The following CDH12 variants were observed in gnomAD, a reference collection of about 807,000 sequenced individuals.
CDH12 encodes cadherin 12, also known as cadherin-12.
In CDH12, 41 loss-of-function variants were observed where a neutral mutation model predicts 74.1. The ratio of observed to expected loss-of-function variants is 0.55; its 90% CI spans 0.43 to 0.72. The LOEUF is 0.72. CDH12 is among the 30% of genes least tolerant of loss of function. The pLI is 0.00. For synonymous variants in CDH12, 399 were observed against 355.0 expected (o/e 1.12, Z -1.39); for missense variants, 945 against 977.2 (o/e 0.97, Z 0.44).
chr5:22,053,483 C>T (rs1740526964), intron 5 of CDH12, among the ~76,000 whole-genome samples: 1 of 151,996 alleles, frequency 6.6e-6, no homozygotes, highest in Non-Finnish European at 1.5e-5. Flanking sequence ...AGTGTTATCC[C>T]GGCTATGCAG....
chr5:21,940,852 TCTCTCTCA>T (rs1363423276), intron 6 of CDH12, among the ~76,000 whole-genome samples: 1 of 151,962 alleles, frequency 6.6e-6, no homozygotes, highest in African/African-American at 2.4e-5. Context: ...TCTCTCTCTC[TCTCTCTCA>T]CACACACACA....
At chr5:22,411,566 T>G (rs1743171464) in intron 2 of CDH12, among the ~76,000 whole-genome samples, 1 of 152,018 alleles carries the variant, frequency 6.6e-6, no homozygotes, top group Admixed American at 6.6e-5. Context: ...TTCACTATAT[T>G]TCAACATTAT....
At chr5:22,203,190 G>T (rs1751019879) in intron 4 of CDH12, among the ~76,000 whole-genome samples, 3 of 152,016 alleles carry the variant, frequency 2.0e-5, no homozygotes, top group Admixed American at 2.0e-4. Context: ...TGGAATACTA[G>T]AACTTATTTC....
In CDH12 at chr5:22,405,237, A is replaced by G; in HGVS notation, c.-333+20T>C. The G allele has an allele frequency of 7.3e-6, 5 of 683,038 alleles. No individual in the cohort carries two copies. The highest frequency in any genetic ancestry group is 9.0e-6 in the Non-Finnish European group (5 of 553,554). 42.3% of individuals were successfully genotyped at this position (683,038 alleles called of 1,614,324 possible). ...AAAAATAAAAAATAAAGAAAAAATC[A>G]TAACAATCAATTTACTTACAAGTTA... On this transcript the variant is annotated intron_variant, in intron 3 of 14. Transcript: ENST00000382254.
intron 6 of CDH12, among the ~76,000 whole-genome samples, chr5:21,880,679 CTTT>C (rs1561268881): frequency 5.3e-4 from 58 of 110,434 alleles, no homozygotes; most frequent in Non-Finnish European, 6.7e-4. Flanking sequence ...TTCTTTCTTT[CTTT>C]CTTTCTTTCT....
At chr5:22,089,260 C>T (rs1216592799) in intron 4 of CDH12, among the ~76,000 whole-genome samples, 1 of 152,070 alleles carries the variant, frequency 6.6e-6, no homozygotes, top group African/African-American at 2.4e-5. Context: ...ACTGGTGGTT[C>T]AGTAATTAGA....
At chr5:22,833,675 T>A (rs1189010009) in intron 1 of CDH12, among the ~76,000 whole-genome samples, 1 of 152,212 alleles carries the variant, frequency 6.6e-6, no homozygotes, top group Non-Finnish European at 1.5e-5. Flanking sequence ...AAAAGCTCTC[T>A]GTCGGAATAT....
intron 6 of CDH12, among the ~76,000 whole-genome samples, chr5:21,872,987 A>G (rs911666773): frequency 6.6e-6 from 1 of 152,036 alleles, no homozygotes; most frequent in Non-Finnish European, 1.5e-5. Flanking sequence ...AAAAACATAC[A>G]TATGTGTATT....
At chr5:22,781,556 A>G (rs901283826) in intron 1 of CDH12, among the ~76,000 whole-genome samples, 2 of 152,106 alleles carry the variant, frequency 1.3e-5, no homozygotes, top group Non-Finnish European at 2.9e-5. Context: ...CCTGCATTTT[A>G]GTTCCAACCT....
intron 6 of CDH12, among the ~76,000 whole-genome samples, chr5:21,929,061 G>A (rs1754719074): frequency 6.6e-6 from 1 of 151,862 alleles, no homozygotes; most frequent in Non-Finnish European, 1.5e-5. Flanking sequence ...TTATGGTAAT[G>A]AGAATACTAT....
At chr5:22,229,103 A>G (rs1752296478) in intron 3 of CDH12, among the ~76,000 whole-genome samples, 1 of 151,484 alleles carries the variant, frequency 6.6e-6, no homozygotes, top group Non-Finnish European at 1.5e-5. Flanking sequence ...AATTATCCCA[A>G]CATGCACTCC....
At chr5:22,806,489 A>G (rs1008891967) in intron 1 of CDH12, among the ~76,000 whole-genome samples, 4 of 151,340 alleles carry the variant, frequency 2.6e-5, no homozygotes, top group Non-Finnish European at 4.4e-5. Context: ...AGTAGCTGGG[A>G]CTACAGGCGC....
chr5:22,439,950 C>T (rs920239601), intron 2 of CDH12, among the ~76,000 whole-genome samples: 4 of 152,004 alleles, frequency 2.6e-5, no homozygotes, highest in African/African-American at 9.7e-5. Context: ...TATATATTTA[C>T]ACTTACAATT....
intron 1 of CDH12, among the ~76,000 whole-genome samples, chr5:22,844,923 G>A (rs1448845467): frequency 1.3e-5 from 2 of 152,062 alleles, no homozygotes; most frequent in Non-Finnish European, 2.9e-5. Flanking sequence ...ATAGAGTTGA[G>A]TCCAGGTGTT....
chr5:22,137,031 G>A (rs1463043293), intron 4 of CDH12, among the ~76,000 whole-genome samples: 2 of 150,940 alleles, frequency 1.3e-5, no homozygotes, highest in Admixed American at 6.6e-5. Context: ...TTCTAAAATC[G>A]AAGCATTTGT....
chr5:21,843,448 GA>G (rs1749981023), intron 7 of CDH12, among the ~76,000 whole-genome samples: 1 of 151,104 alleles, frequency 6.6e-6, no homozygotes, highest in Admixed American at 6.6e-5. Flanking sequence ...CTCTTGGCAG[GA>G]AATTGTTGCA....
chr5:21,927,212 A>C (rs1754624200), intron 6 of CDH12, among the ~76,000 whole-genome samples: 1 of 152,220 alleles, frequency 6.6e-6, no homozygotes, highest in Admixed American at 6.5e-5. Context: ...AGAGTGAAAT[A>C]ACAATTAACC....
chr5:21,803,361 GTA>G (rs1747246157), intron 9 of CDH12, among the ~76,000 whole-genome samples: 1 of 152,002 alleles, frequency 6.6e-6, no homozygotes, highest in Non-Finnish European at 1.5e-5. Flanking sequence ...TCTCAGAACT[GTA>G]TATATAAATT....
At chr5:22,016,213 G>T (rs1350176545) in intron 5 of CDH12, among the ~76,000 whole-genome samples, 2 of 151,980 alleles carry the variant, frequency 1.3e-5, no homozygotes, top group African/African-American at 4.8e-5. Context: ...GATCTTTCTA[G>T]GTGGCCAGTG....
Sources: gnomAD v4.1 joint callset for allele counts (sites outside exome capture counted in the v4.1 genomes callset) on GRCh38, gnomAD v4.1.1 for gene constraint, MANE v1.5 for transcripts, NCBI Gene and HGNC (gene_info 2026-07-23, HGNC 2026-07-21) for gene names.